ELANE: variants seen among roughly 807,000 people sequenced by gnomAD.
ELANE encodes the protein elastase, neutrophil expressed.
ELANE carries 12 observed loss-of-function variants against 20.6 expected under a neutral mutation model. That is an observed-to-expected ratio of 0.58 (90% CI 0.37 to 0.94). The LOEUF (loss-of-function observed/expected upper bound fraction) is 0.94, where lower values mean the gene tolerates loss of function less well. ELANE is among the 40% of genes least tolerant of loss of function. The pLI is 0.01. For missense variants in ELANE, 388 were observed against 395.2 expected (o/e 0.98, Z 0.15); for synonymous variants, 203 against 177.4 (o/e 1.14, Z -1.15).
Position 855,716 on chromosome 19 carries a change from C to T in ELANE, c.519C>T (p.Asn173=), listed in dbSNP as rs200393776. Residue 173 remains asparagine (N), a synonymous_variant, in exon 4 of 5, where the codon AAC becomes AAT. Coordinates refer to ENST00000263621, the MANE Select transcript of ELANE (RefSeq NM_001972.4). This position sits in a 1 kb window ranked among gnomAD's most constrained non-coding sequence, Gnocchi z 6.2. The part of the protein sequence containing the change: ...RGIASVLQEL[N]VTVVTSLCRR... ...TCGCCAGCGTCCTGCAGGAGCTCAA[C>T]GTGACGGTGGTGACGTCCCTCTGCC... The T allele has an allele frequency of 1.4e-5, 22 of 1,609,960 alleles. No homozygotes were observed. The highest frequency in any genetic ancestry group is 1.7e-4 in the Middle Eastern group (1 of 5,888).
chr19:856,178 G>C lies in ELANE; in HGVS notation c.*14G>C. On this transcript the variant is annotated 3_prime_UTR_variant, in exon 5 of 5. Transcript: ENST00000263621. ...AGGACCCACTGAGAAGGGCTGCCCG[G>C]GTCACCTCAGCTGCCCACACCCACA... 2 of 1,612,582 alleles carry C rather than the reference G, an allele frequency of 1.2e-6. No homozygotes were observed. Among genetic ancestry groups the C allele is most frequent in the South Asian group, 1.1e-5 (1 of 91,074 alleles).
chr19:854,050 T>G (rs893553032), intron 3 of ELANE, among the ~76,000 whole-genome samples: 1 of 152,226 alleles, frequency 6.6e-6, no homozygotes, highest in Non-Finnish European at 1.5e-5. Context: ...TGTCTCTCCA[T>G]TCACCAGTCC....
chr19:853,077 C>G (rs199596513), intron 2 of ELANE, 45 bp downstream of exon 2: 80 of 1,227,692 alleles, frequency 6.5e-5, no homozygotes, highest in African/African-American at 2.4e-4. Flanking sequence ...CCCCGCGTCC[C>G]GGTCTGTGAG....
intron 2 of ELANE, 54 bp downstream of exon 2, chr19:853,086 A>C: frequency 9.5e-7 from 1 of 1,053,248 alleles, no homozygotes; most frequent in South Asian, 1.4e-5. Flanking sequence ...CCGGTCTGTG[A>C]GGTGGGTGGG....
Position 852,400 on chromosome 19 carries a change from G to A in ELANE, c.67+5G>A. 15 of 1,610,712 alleles carry A rather than the reference G, an allele frequency of 9.3e-6. No individual in the cohort carries two copies. Among genetic ancestry groups the A allele is most frequent in the Non-Finnish European group, 1.3e-5 (15 of 1,179,700 alleles). ...TGCCGGCCTTGCTGCTGGGGGGTGA[G>A]TTTTTGAGTCCAACCTCCCGCTGCT... On this transcript the variant is annotated splice_donor_5th_base_variant and intron_variant, in intron 1 of 4. Transcript: ENST00000263621.
chr19:854,670 A>T (rs1391497963), intron 3 of ELANE, among the ~76,000 whole-genome samples: 2 of 146,670 alleles, frequency 1.4e-5, no homozygotes, highest in Admixed American at 6.9e-5. Context: ...TACATATATT[A>T]TAAATAATAA....
At chr19:854,529 G>A (rs1169272130) in intron 3 of ELANE, among the ~76,000 whole-genome samples, 1 of 150,914 alleles carries the variant, frequency 6.6e-6, no homozygotes, top group Non-Finnish European at 1.5e-5. Flanking sequence ...TGGCGCGATC[G>A]CAGCTCACTA....
chr19:855,770 G>C lies in ELANE; in HGVS notation c.573G>C (p.Arg191Ser), dbSNP rs754277797. 5.0e-6 allele frequency: 8 copies of C among 1,608,886 alleles called. No homozygotes were observed. In the South Asian group the frequency reaches 7.7e-5, roughly 15 times the overall value. ...GCAGCAACGTCTGCACTCTCGTGAG[G>C]GGCCGGCAGGCCGGCGTCTGTTTCG... ...CRRSNVCTLV[R>S]GRQAGVCFGD... is the part of the protein sequence containing the mutation. Residue 191 changes from arginine to serine, a missense_variant, in exon 4 of 5, where the codon AGG (arginine) becomes AGC (serine). Physicochemically the swap from Arg to Ser is moderately radical, Grantham distance 110. Transcript: ENST00000263621. The surrounding 1 kb of genome is among the most constrained non-coding windows in gnomAD (Gnocchi z 6.2).
chr19:854,794 ATAAT>A (rs973245685), intron 3 of ELANE, among the ~76,000 whole-genome samples: 3 of 146,518 alleles, frequency 2.0e-5, no homozygotes, highest in Non-Finnish European at 3.0e-5. Flanking sequence ...ATTTTATAAA[ATAAT>A]AAATATAAAA....
At chr19:854,620 T>C (rs563105819) in intron 3 of ELANE, among the ~76,000 whole-genome samples, 1 of 149,646 alleles carries the variant, frequency 6.7e-6, no homozygotes, top group South Asian at 2.1e-4. Context: ...ACCACGTGGG[T>C]CCACCACGTC....
rs1166284003 is a variant in ELANE at position 855,502 on chromosome 19, G to A, written c.367-62G>A. 1.3e-5 allele frequency: 20 copies of A among 1,546,704 alleles called. No individual in the cohort carries two copies. Among genetic ancestry groups the A allele is most frequent in the Admixed American group, 1.8e-5 (1 of 55,926 alleles). The stretch of plus-strand genomic sequence containing the variant: ...TGAGATGGGGAAACTGAGGCCCGGA[G>A]AGGGGAGGGTCATCATCACTGCCCC... On this transcript the variant is annotated intron_variant, in intron 3 of 4. Coordinates refer to ENST00000263621, the MANE Select transcript of ELANE (RefSeq NM_001972.4). This position sits in a 1 kb window ranked among gnomAD's most constrained non-coding sequence, Gnocchi z 6.2.
At position 855,627 on chromosome 19, in the gene ELANE, C is replaced by T. The variant is rs148726761; in HGVS notation, c.430C>T (p.Arg144Cys). ...GGCCCAGCTGCCGGCTCAGGGACGC[C>T]GCCTGGGCAACGGGGTGCAGTGCCT... is the stretch of plus-strand genomic sequence containing the variant. ...QVAQLPAQGR[R>C]LGNGVQCLAM... Residue 144 changes from arginine to cysteine, a missense_variant, in exon 4 of 5, where the codon CGC becomes TGC. Coordinates refer to ENST00000263621, the MANE Select transcript of ELANE (RefSeq NM_001972.4). This position sits in a 1 kb window ranked among gnomAD's most constrained non-coding sequence, Gnocchi z 6.2. The T allele has an allele frequency of 8.1e-6, 13 of 1,604,258 alleles. No homozygotes were observed. Among genetic ancestry groups the T allele is most frequent in the African/African-American group, 5.3e-5 (4 of 74,938 alleles).
Position 855,798 on chromosome 19 carries a change from C to A in ELANE, c.597+4C>A, listed in dbSNP as rs1451132731. The stretch of plus-strand genomic sequence containing the variant: ...CCGGCAGGCCGGCGTCTGTTTCGTA[C>A]GTGCCCTGGGTGTCCCTCTGCTCCC... On this transcript the variant is annotated splice_donor_region_variant and intron_variant, in intron 4 of 4. Transcript: ENST00000263621. This position sits in a 1 kb window ranked among gnomAD's most constrained non-coding sequence, Gnocchi z 6.2. 6.2e-7 allele frequency: 1 copy of A among 1,608,340 alleles called. No individual in the cohort carries two copies.
Position 856,215 on chromosome 19 carries a change from C to G in ELANE, c.*51C>G. On this transcript the variant is annotated 3_prime_UTR_variant, in exon 5 of 5. Coordinates refer to ENST00000263621, the MANE Select transcript of ELANE (RefSeq NM_001972.4). ...TGCCCACACCCACACTCTCCAGCAT[C>G]TGGCACAATAAACATTCTCTGTTTT... 1 of 1,592,292 alleles carries G rather than the reference C, an allele frequency of 6.3e-7. No individual in the cohort carries two copies. Among genetic ancestry groups the G allele is most frequent in the Non-Finnish European group, 8.6e-7 (1 of 1,161,784 alleles).
chr19:852,928 G>C lies in ELANE; in HGVS notation c.120G>C (p.Ala40=). 4 of 1,596,932 alleles carry C rather than the reference G, an allele frequency of 2.5e-6. No homozygotes were observed. The highest frequency in any genetic ancestry group is 3.4e-6 in the Non-Finnish European group (4 of 1,177,472). ...GGGGCCGGCGAGCGCGGCCCCACGC[G>C]TGGCCCTTCATGGTGTCCCTGCAGC... ...IVGGRRARPH[A]WPFMVSLQLR... The change falls in exon 2 of 5, where the codon GCG becomes GCC. Residue 40 remains alanine (A), a synonymous_variant. Transcript: ENST00000263621.
At chr19:853,480 G>A (rs1365539791) in intron 3 of ELANE, 77 bp downstream of exon 3, 16 of 1,506,936 alleles carry the variant, frequency 1.1e-5, no homozygotes, top group Non-Finnish European at 1.3e-5. Context: ...ACGGAGGGGC[G>A]CGTCGGGGCC....
rs778800388 is a variant in ELANE, at chr19:853,314, G to A, written c.277G>A (p.Glu93Lys). The change falls in exon 3 of 5, where the codon GAG becomes AAG. Residue 93 changes from glutamate to lysine, a missense_variant. Physicochemically the swap from Glu to Lys is moderately conservative, Grantham distance 56. Transcript: ENST00000263621. ...VLGAHNLSRR[E>K]PTRQVFAVQR... ...GGGAGCCCATAACCTCTCGCGGCGG[G>A]AGCCCACCCGGCAGGTGTTCGCCGT... is the stretch of plus-strand genomic sequence containing the variant. The A allele has an allele frequency of 9.9e-6, 16 of 1,610,918 alleles. No individual in the cohort carries two copies. In the South Asian group the frequency reaches 1.5e-4, roughly 16 times the overall value.
intron 1 of ELANE, among the ~76,000 whole-genome samples, chr19:852,640 G>T (rs1174612311): frequency 1.3e-5 from 2 of 151,224 alleles, no homozygotes; most frequent in Non-Finnish European, 2.9e-5. Context: ...GTCCAGGTCT[G>T]TCTGTGCCTT....
At chr19:853,482 G>T in intron 3 of ELANE, 79 bp downstream of exon 3, 1 of 1,502,838 alleles carries the variant, frequency 6.7e-7, no homozygotes, top group Non-Finnish European at 9.0e-7. Context: ...GGAGGGGCGC[G>T]TCGGGGCCGC....
Sources: allele counts gnomAD v4.1 joint callset (sites outside exome capture counted in the v4.1 genomes callset), GRCh38; gene constraint gnomAD v4.1.1; non-coding constraint Gnocchi (gnomAD v3.1); transcripts MANE v1.5; gene names NCBI Gene and HGNC (gene_info 2026-07-23, HGNC 2026-07-21).